The following RBKS variants were observed in gnomAD, a reference collection of about 807,000 sequenced individuals.
The protein encoded by RBKS is ribokinase.
Under a neutral mutation model 33.9 loss-of-function variants are expected in RBKS, and 33 were observed. That is an observed-to-expected ratio of 0.97 (90% CI 0.74 to 1.30). The LOEUF is 1.30. RBKS is among the 50% of genes most tolerant of loss of function. The pLI is 0.00. For synonymous variants in RBKS, 125 were observed against 143.0 expected, an observed-to-expected ratio of 0.87 and a Z score of 0.90; for missense variants, 361 against 392.6, an observed-to-expected ratio of 0.92 and a Z score of 0.68.
At position 27,810,050 on chromosome 2, in the gene RBKS, G is replaced by C; in HGVS notation, c.795+17517C>G. 1 of 1,304,130 alleles carries C rather than the reference G, an allele frequency of 7.7e-7. No homozygotes were observed. Among genetic ancestry groups the C allele is most frequent in the South Asian group, 1.2e-5 (1 of 80,982 alleles). 80.8% of individuals were successfully genotyped at this position (1,304,130 alleles called of 1,614,324 possible). ...GGGTCTTGAGCCAGGTCTACACTGT[G>C]AAAATGAAGGAAGGAACTGAGCAAT... is the stretch of plus-strand genomic sequence containing the variant. On this transcript the variant is annotated intron_variant, in intron 7 of 7. Transcript: ENST00000302188. The surrounding 1 kb of genome is among the most constrained non-coding windows in gnomAD (Gnocchi z 4.4).
chr2:27,812,571 G>A (rs910105302), intron 7 of RBKS, among the ~76,000 whole-genome samples: 3 of 152,172 alleles, frequency 2.0e-5, no homozygotes, highest in Non-Finnish European at 2.9e-5. Context: ...CATGGATGAA[G>A]CTGGAAACCA....
In RBKS at chr2:27,812,966, T is replaced by G. The variant is rs190929711; in HGVS notation, c.795+14601A>C. Reference sequence around the variant, plus strand: ...GAACAGATCATCTAAAATATGTAGTTTTATATGCTGTAGTACATTTTAACA... The same window carrying G: ...GAACAGATCATCTAAAATATGTAGTGTTATATGCTGTAGTACATTTTAACA... On this transcript the variant is annotated intron_variant, in intron 7 of 7. Coordinates refer to ENST00000302188, the MANE Select transcript of RBKS (RefSeq NM_022128.3). Among the ~76,000 whole-genome samples the G allele has an allele frequency of 2.0e-5, 3 of 152,086 alleles. No individual in the cohort carries two copies. In the East Asian group the frequency reaches 5.8e-4, roughly 29 times the overall value.
intron 7 of RBKS, among the ~76,000 whole-genome samples, chr2:27,815,210 T>C (rs1678064086): frequency 6.6e-6 from 1 of 152,068 alleles, no homozygotes. Flanking sequence ...GGTGGTTTTT[T>C]TTCCCCCCTC....
At chr2:27,822,393 T>G (rs1678229516) in intron 7 of RBKS, among the ~76,000 whole-genome samples, 1 of 152,132 alleles carries the variant, frequency 6.6e-6, no homozygotes, top group Non-Finnish European at 1.5e-5. Flanking sequence ...GCCCCTCAGA[T>G]GCTAGGTTTT....
chr2:27,846,477 A>G (rs947226875), intron 4 of RBKS, among the ~76,000 whole-genome samples: 3 of 152,212 alleles, frequency 2.0e-5, no homozygotes, highest in African/African-American at 7.2e-5. Context: ...CCCAATTACT[A>G]TTTTAAAAGA....
Position 27,801,464 on chromosome 2 carries a change from T to TACACACACACACAC in RBKS, c.796-19690_796-19677dup, listed in dbSNP as rs56063622. 1.7e-3 allele frequency among the ~76,000 whole-genome samples: 233 copies of TACACACACACACAC among 136,328 alleles called. 3 individuals carry two copies. Among genetic ancestry groups the TACACACACACACAC allele is most frequent in the African/African-American group, 4.9e-3 (174 of 35,578 alleles). The allele number at this position is 136,328 out of a possible 152,430, so 89.4% of individuals were successfully genotyped here. On this transcript the variant is annotated intron_variant, in intron 7 of 7. Coordinates refer to ENST00000302188, the MANE Select transcript of RBKS (RefSeq NM_022128.3). ...AAATGCTCTCCAAAGGGCCACAGTATACACACACACACACACACACACACA... is the reference window on the plus strand; with the variant it reads ...AAATGCTCTCCAAAGGGCCACAGTATACACACACACACACACACACACACACACACACACACACA...
intron 7 of RBKS, among the ~76,000 whole-genome samples, chr2:27,801,963 A>ATATATATAT (rs1553375157): frequency 4.2e-5 from 2 of 47,620 alleles, no homozygotes; most frequent in African/African-American, 8.1e-5. Context: ...AAAAAAAAAA[A>ATATATATAT]ATATATATAT....
intron 1 of RBKS, among the ~76,000 whole-genome samples, chr2:27,862,320 G>A (rs759682455): frequency 6.6e-6 from 1 of 152,172 alleles, no homozygotes; most frequent in Non-Finnish European, 1.5e-5. Flanking sequence ...CATAAAAAGT[G>A]AAAAGTTAAA....
chr2:27,826,336 A>T (rs893178633), intron 7 of RBKS, among the ~76,000 whole-genome samples: 3 of 151,322 alleles, frequency 2.0e-5, no homozygotes, highest in African/African-American at 7.3e-5. Flanking sequence ...CTAAATAAAA[A>T]CTCTAAAATG....
intron 4 of RBKS, among the ~76,000 whole-genome samples, chr2:27,843,632 G>C (rs548673829): frequency 6.6e-6 from 1 of 152,340 alleles, no homozygotes; most frequent in South Asian, 2.1e-4. Context: ...AAACTTGTAT[G>C]ACACTGTAGT....
At chr2:27,812,735 A>T (rs1678009621) in intron 7 of RBKS, among the ~76,000 whole-genome samples, 1 of 152,200 alleles carries the variant, frequency 6.6e-6, no homozygotes, top group South Asian at 2.1e-4. Context: ...GAGGGACAGC[A>T]TTAGGAGATA....
intron 4 of RBKS, 88 bp from the exon 5 acceptor site, chr2:27,843,319 A>G: frequency 1.0e-6 from 1 of 990,092 alleles, no homozygotes; most frequent in Non-Finnish European, 1.5e-6. Context: ...TCGCCCTTGT[A>G]AAGTCATTAT....
chr2:27,830,072 A>G (rs1678391588), intron 6 of RBKS, among the ~76,000 whole-genome samples: 1 of 152,116 alleles, frequency 6.6e-6, no homozygotes, highest in African/African-American at 2.4e-5. Flanking sequence ...CCAGCATATC[A>G]AGGGCTGAAT....
In RBKS at chr2:27,781,651, G is replaced by T; in HGVS notation, c.933C>A (p.Tyr311Ter). The stretch of plus-strand genomic sequence containing the variant: ...TAAGCGGAAGGTCTTTTTTGTAAGG[G>T]TAAGATGACTGTGTTCCTGCAGCCT... ...SVQAAGTQSS[Y>*]PYKKDLPLTL... Residue 311 changes from tyrosine to a stop codon, truncating the protein, a stop_gained, in exon 8 of 8, where the codon TAC (tyrosine) becomes TAA (stop). Transcript: ENST00000302188. LOFTEE classifies it high-confidence loss of function. The T allele has an allele frequency of 6.2e-7, 1 of 1,613,516 alleles. No individual in the cohort carries two copies. Among genetic ancestry groups the T allele is most frequent in the African/African-American group, 1.3e-5 (1 of 74,946 alleles).
rs929503596 is a variant in RBKS, at chr2:27,818,371, G to T, written c.795+9196C>A. 2.0e-5 allele frequency among the ~76,000 whole-genome samples: 3 copies of T among 152,324 alleles called. 1 individual carries two copies. Among genetic ancestry groups the T allele is most frequent in the Admixed American group, 2.0e-4 (3 of 15,300 alleles). On this transcript the variant is annotated intron_variant, in intron 7 of 7. Transcript: ENST00000302188. ...TGTATCATGACAAGTGACAAGGAAA[G>T]TCAGTGCTGGAATGTCAAATAAGAG...
At chr2:27,872,078 G>T (rs929017204) in intron 1 of RBKS, among the ~76,000 whole-genome samples, 2 of 152,208 alleles carry the variant, frequency 1.3e-5, no homozygotes, top group African/African-American at 4.8e-5. Flanking sequence ...AATGGGGAGT[G>T]GCTGTAAATA....
At position 27,890,017 on chromosome 2, in the gene RBKS, A is replaced by G. The variant is rs750343591; in HGVS notation, c.89+240T>C. The G allele has an allele frequency of 2.2e-6, 1 of 445,496 alleles. No homozygotes were observed. The allele number at this position is 445,496 out of a possible 1,614,324, so 27.6% of individuals were successfully genotyped here. On this transcript the variant is annotated intron_variant, in intron 1 of 7. Coordinates refer to ENST00000302188, the MANE Select transcript of RBKS (RefSeq NM_022128.3). The surrounding 1 kb of genome is among the most constrained non-coding windows in gnomAD (Gnocchi z 4.8). ...AGGTCTTTGGGGAGCGCTTTGAGTA[A>G]TATTAGAGCTTTCACTAAACCCTGG... is the stretch of plus-strand genomic sequence containing the variant.
chr2:27,859,819 A>G (rs1663935592), intron 1 of RBKS, among the ~76,000 whole-genome samples: 1 of 152,246 alleles, frequency 6.6e-6, no homozygotes, highest in Non-Finnish European at 1.5e-5. Context: ...AATTTTCCAC[A>G]TAGGTTGTGA....
intron 7 of RBKS, among the ~76,000 whole-genome samples, chr2:27,783,666 G>C (rs1049066915): frequency 1.3e-5 from 2 of 152,046 alleles, no homozygotes; most frequent in South Asian, 4.1e-4. Flanking sequence ...CCAGCACTTC[G>C]GGAGGCCGAG....
Sources: gnomAD v4.1 joint callset for allele counts (sites outside exome capture counted in the v4.1 genomes callset) on GRCh38, gnomAD v4.1.1 for gene constraint, Gnocchi (gnomAD v3.1) non-coding constraint, MANE v1.5 for transcripts, NCBI Gene and HGNC (gene_info 2026-07-23, HGNC 2026-07-21) for gene names.